The following FAM120A variants were observed in gnomAD, a reference collection of about 807,000 sequenced individuals.
The protein encoded by FAM120A is constitutive coactivator of PPAR-gamma-like protein 1.
A neutral mutation model predicts 109.7 loss-of-function variants in FAM120A; 15 were observed. The observed-to-expected ratio is 0.14, with a 90% CI of 0.09 to 0.21. FAM120A has a LOEUF of 0.21. Among genes scored for constraint, FAM120A ranks in the 10% least tolerant of loss-of-function variants. The probability of loss-of-function intolerance (pLI) is 1.00; values close to 1 mark genes in which losing one functional copy is unlikely to be tolerated. For missense variants in FAM120A, 899 were observed against 1,439.3 expected (o/e 0.62, Z 6.07); for synonymous variants, 493 against 572.8 (o/e 0.86, Z 1.99).
rs555803895 is a variant in FAM120A, at chr9:93,542,226, G to A, written c.1910-996G>A. Reference sequence around the variant, plus strand: ...GGGACGGTGCCTTTGCTCATGTGTAGCAGCACTGGGCAAGGGACAACACCA... The same window carrying A: ...GGGACGGTGCCTTTGCTCATGTGTAACAGCACTGGGCAAGGGACAACACCA... On this transcript the variant is annotated intron_variant, in intron 10 of 17. Transcript: ENST00000277165. Among the ~76,000 whole-genome samples, 6 of 152,302 alleles carry A rather than the reference G, an allele frequency of 3.9e-5. No individual in the cohort carries two copies. The East Asian group carries it at 1.2e-3, about 29-fold the overall frequency.
intron 3 of FAM120A, among the ~76,000 whole-genome samples, chr9:93,490,501 G>A (rs1345729507): frequency 6.6e-6 from 1 of 152,142 alleles, no homozygotes. Context: ...AGGAATATTG[G>A]ATTTTATTGA....
intron 3 of FAM120A, among the ~76,000 whole-genome samples, chr9:93,494,193 C>T (rs922853169): frequency 6.6e-6 from 1 of 152,168 alleles, no homozygotes. Flanking sequence ...TGCAGAGAGG[C>T]CTCTCGCCAA....
At position 93,532,886 on chromosome 9, in the gene FAM120A, C is replaced by A. The variant is rs568548155; in HGVS notation, c.1909+557C>A. Among the ~76,000 whole-genome samples, 1 of 152,284 alleles carries A rather than the reference C, an allele frequency of 6.6e-6. No individual in the cohort carries two copies. The highest frequency in any genetic ancestry group is 1.5e-5 in the Non-Finnish European group (1 of 68,020). On this transcript the variant is annotated intron_variant, in intron 10 of 17. Coordinates refer to ENST00000277165, the MANE Select transcript of FAM120A (RefSeq NM_014612.5). The surrounding 1 kb of genome is among the most constrained non-coding windows in gnomAD (Gnocchi z 4.3). ...TGAGACCTGTGCACTTCCAGCTGATCAACTCTGGGAGTGGGGGGTGCAGGT... is the reference window on the plus strand; with the variant it reads ...TGAGACCTGTGCACTTCCAGCTGATAAACTCTGGGAGTGGGGGGTGCAGGT...
chr9:93,490,443 C>T (rs992841472), intron 3 of FAM120A, among the ~76,000 whole-genome samples: 4 of 152,126 alleles, frequency 2.6e-5, no homozygotes, highest in African/African-American at 4.8e-5. Flanking sequence ...TCTAGTGGTA[C>T]ATTTTAGAGA....
chr9:93,485,861 T>C (rs1859024316), intron 3 of FAM120A, among the ~76,000 whole-genome samples: 1 of 149,558 alleles, frequency 6.7e-6, no homozygotes, highest in Admixed American at 6.7e-5. Flanking sequence ...TTGCCTATTC[T>C]GGACATTTAT....
intron 5 of FAM120A, among the ~76,000 whole-genome samples, chr9:93,508,221 A>C (rs1479273885): frequency 2.6e-5 from 4 of 152,188 alleles, no homozygotes; most frequent in Non-Finnish European, 5.9e-5. Flanking sequence ...AGAAATTTGC[A>C]AATAGGACCA....
At chr9:93,471,933 A>C (rs1276438888) in intron 2 of FAM120A, among the ~76,000 whole-genome samples, 1 of 152,188 alleles carries the variant, frequency 6.6e-6, no homozygotes, top group East Asian at 1.9e-4. Flanking sequence ...CCCAGAAAGG[A>C]TGAAATCTTG....
chr9:93,480,210 T>A (rs1002700148), intron 3 of FAM120A, among the ~76,000 whole-genome samples: 6 of 152,358 alleles, frequency 3.9e-5, no homozygotes, highest in Non-Finnish European at 7.3e-5. Flanking sequence ...CTACTTCATT[T>A]ATGTTCAGAA....
At chr9:93,486,224 T>A (rs921087987) in intron 3 of FAM120A, among the ~76,000 whole-genome samples, 2 of 151,678 alleles carry the variant, frequency 1.3e-5, no homozygotes, top group Non-Finnish European at 2.9e-5. Context: ...TCCTCCCACC[T>A]CGGCCTCCCA....
chr9:93,515,073 A>G (rs1860507176), intron 5 of FAM120A, among the ~76,000 whole-genome samples: 1 of 148,034 alleles, frequency 6.8e-6, no homozygotes, highest in Non-Finnish European at 1.5e-5. Context: ...AGAACACAGA[A>G]TCACAAATTA....
chr9:93,471,266 C>G lies in FAM120A; in HGVS notation c.600C>G (p.Ala200=). 1 of 1,614,148 alleles carries G rather than the reference C, an allele frequency of 6.2e-7. No homozygotes were observed. ...GCAACATCCCCTACTATTTCAGTGC[C>G]CATGCCCTAAAACTGAGCCGGAACG... The part of the protein sequence containing the change: ...ALCNIPYYFS[A]HALKLSRNGK... Residue 200 remains alanine (A), a synonymous_variant, in exon 2 of 18, where the codon GCC becomes GCG. Transcript: ENST00000277165.
At chr9:93,512,081 T>A (rs1045090282) in intron 5 of FAM120A, among the ~76,000 whole-genome samples, 1 of 152,250 alleles carries the variant, frequency 6.6e-6, no homozygotes, top group Non-Finnish European at 1.5e-5. Flanking sequence ...CATGAGCCAC[T>A]GAACCAGGCC....
At chr9:93,523,393 T>C (rs1183445853) in intron 7 of FAM120A, 6 of 1,105,388 alleles carry the variant, frequency 5.4e-6, no homozygotes, top group South Asian at 1.4e-5. Flanking sequence ...AGGGAATGAC[T>C]TTAGTGTAAC....
chr9:93,518,219 A>G (rs1271620229), intron 7 of FAM120A, among the ~76,000 whole-genome samples: 1 of 152,154 alleles, frequency 6.6e-6, no homozygotes, highest in Non-Finnish European at 1.5e-5. Context: ...AGAAACTAGC[A>G]TTCAACTTGG....
At position 93,452,294 on chromosome 9, in the gene FAM120A, C is replaced by A; in HGVS notation, c.379C>A (p.Gln127Lys). ...GGCACAGCAGATCGTCAGCCATGTC[C>A]AGAACAAGGGCACCCCGCCGCCAAA... ...QTAQQIVSHV[Q>K]NKGTPPPKVW... is the part of the protein sequence containing the mutation. The change falls in exon 1 of 18, where the codon CAG becomes AAG. Residue 127 changes from glutamine (Q) to lysine (K), a missense_variant. Coordinates refer to ENST00000277165, the MANE Select transcript of FAM120A (RefSeq NM_014612.5). This position sits in a 1 kb window ranked among gnomAD's most constrained non-coding sequence, Gnocchi z 7.0. 6.2e-7 allele frequency: 1 copy of A among 1,612,920 alleles called. No homozygotes were observed.
chr9:93,488,811 T>G (rs1859184948), intron 3 of FAM120A, among the ~76,000 whole-genome samples: 1 of 152,054 alleles, frequency 6.6e-6, no homozygotes, highest in Non-Finnish European at 1.5e-5. Context: ...TTACTTCTGT[T>G]TCAGTCACTG....
At position 93,452,409 on chromosome 9, in the gene FAM120A, C is replaced by CGGGCCGG. The variant is rs1033250405; in HGVS notation, c.474+23_474+29dup. ...GTCAAGGTGAGGCCGGGGATCCGGGCGGGCCGGGGACCGGGGCCGCGCCGC... is the reference window on the plus strand; with the variant it reads ...GTCAAGGTGAGGCCGGGGATCCGGGCGGGCCGGGGGCCGGGGACCGGGGCCGCGCCGC... On this transcript the variant is annotated intron_variant, in intron 1 of 17. Coordinates refer to ENST00000277165, the MANE Select transcript of FAM120A (RefSeq NM_014612.5). This position sits in a 1 kb window ranked among gnomAD's most constrained non-coding sequence, Gnocchi z 7.0. The CGGGCCGG allele has an allele frequency of 3.8e-6, 6 of 1,590,868 alleles. No homozygotes were observed. The highest frequency in any genetic ancestry group is 2.3e-5 in the East Asian group (1 of 43,850).
At chr9:93,553,912 A>C (rs1042166093) in intron 12 of FAM120A, among the ~76,000 whole-genome samples, 1 of 152,092 alleles carries the variant, frequency 6.6e-6, no homozygotes. Flanking sequence ...GGAAAGAAAA[A>C]CACCACATAA....
At position 93,453,546 on chromosome 9, in the gene FAM120A, C is replaced by G. The variant is rs1395500843; in HGVS notation, c.474+1157C>G. ...GTGAAATTCTGTCTTCGCGGTTGCC[C>G]CCACTGCCCGCGAGGAGATGGTGGT... On this transcript the variant is annotated intron_variant, in intron 1 of 17. Coordinates refer to ENST00000277165, the MANE Select transcript of FAM120A (RefSeq NM_014612.5). 3 of 985,250 alleles carry G rather than the reference C, an allele frequency of 3.0e-6. No individual in the cohort carries two copies. In the African/African-American group the frequency reaches 5.2e-5, roughly 17 times the overall value. 61.0% of individuals were successfully genotyped at this position (985,250 alleles called of 1,614,324 possible). A position where few individuals can be genotyped will look rare whatever the true frequency, so the allele number is the denominator to read the frequency against.
Sources: allele counts gnomAD v4.1 joint callset (sites outside exome capture counted in the v4.1 genomes callset), GRCh38; gene constraint gnomAD v4.1.1; non-coding constraint Gnocchi (gnomAD v3.1); transcripts MANE v1.5; gene names NCBI Gene and HGNC (gene_info 2026-07-23, HGNC 2026-07-21).